DOCK2: variants seen among roughly 807,000 people sequenced by gnomAD.
DOCK2 encodes dedicator of cytokinesis 2.
In DOCK2, 87 loss-of-function variants were observed where a neutral mutation model predicts 248.9. That is an observed-to-expected ratio of 0.35 (90% confidence interval 0.29 to 0.42). The LOEUF is 0.42. Among genes scored for constraint, DOCK2 ranks in the 10% least tolerant of loss-of-function variants. DOCK2 has a pLI of 1.00. For synonymous variants in DOCK2, 805 were observed against 821.6 expected, an observed-to-expected ratio of 0.98 and a Z score of 0.35; for missense variants, 1,747 against 2,300.2, an observed-to-expected ratio of 0.76 and a Z score of 4.92.
chr5:169,725,592 T>C (rs1762423741), intron 22 of DOCK2, among the ~76,000 whole-genome samples: 1 of 152,202 alleles, frequency 6.6e-6, no homozygotes, highest in Non-Finnish European at 1.5e-5. Flanking sequence ...TGTGCCATGT[T>C]GGTTTGCTGC....
At chr5:169,827,752 G>A (rs1243755548) in intron 26 of DOCK2, among the ~76,000 whole-genome samples, 1 of 152,196 alleles carries the variant, frequency 6.6e-6, no homozygotes, top group Non-Finnish European at 1.5e-5. Context: ...ATTTAGTGGA[G>A]GAAAAGGGAG....
At chr5:169,804,490 G>A (rs532310373) in intron 26 of DOCK2, among the ~76,000 whole-genome samples, 50 of 75,006 alleles carry the variant, frequency 6.7e-4, no homozygotes, top group African/African-American at 1.3e-3. Flanking sequence ...GTGTGTGCGC[G>A]CGCGCGTGCG....
intron 27 of DOCK2, among the ~76,000 whole-genome samples, chr5:169,906,665 A>G (rs940582305): frequency 1.3e-5 from 2 of 152,106 alleles, no homozygotes; most frequent in African/African-American, 4.8e-5. Context: ...AATTACCTTG[A>G]TGAAAGTCAC....
chr5:170,015,671 C>T (rs1216717250), intron 32 of DOCK2, among the ~76,000 whole-genome samples: 1 of 152,130 alleles, frequency 6.6e-6, no homozygotes, highest in Admixed American at 6.5e-5. Flanking sequence ...TTGCCCTCAT[C>T]CTTGTTCATT....
At chr5:169,898,111 G>A (rs994406635) in intron 27 of DOCK2, among the ~76,000 whole-genome samples, 5 of 152,208 alleles carry the variant, frequency 3.3e-5, no homozygotes, top group Middle Eastern at 3.2e-3. Flanking sequence ...CTTCTTGTGT[G>A]TTGTTCTTCC....
chr5:169,981,224 T>C (rs1284778185), intron 27 of DOCK2, among the ~76,000 whole-genome samples: 1 of 152,248 alleles, frequency 6.6e-6, no homozygotes, highest in Non-Finnish European at 1.5e-5. Flanking sequence ...ATCCATATCA[T>C]GGGAGCTACT....
intron 22 of DOCK2, among the ~76,000 whole-genome samples, chr5:169,727,114 G>A (rs1762518407): frequency 6.6e-6 from 1 of 150,934 alleles, no homozygotes; most frequent in South Asian, 2.1e-4. Flanking sequence ...AAAGGAGCCA[G>A]TCCATGGGAC....
chr5:169,830,105 C>A (rs569461501), intron 26 of DOCK2, among the ~76,000 whole-genome samples: 1 of 152,176 alleles, frequency 6.6e-6, no homozygotes, highest in Non-Finnish European at 1.5e-5. Context: ...AGTGCAAGAA[C>A]CTTGCAACCA....
chr5:169,846,461 A>G (rs1415868176), intron 27 of DOCK2, among the ~76,000 whole-genome samples: 8 of 152,194 alleles, frequency 5.3e-5, no homozygotes, highest in African/African-American at 1.4e-4. Context: ...TGACTTTTAC[A>G]TGACTAGTAC....
intron 1 of DOCK2, among the ~76,000 whole-genome samples, chr5:169,645,829 G>A (rs1757427080): frequency 6.6e-6 from 1 of 152,030 alleles, no homozygotes; most frequent in African/African-American, 2.4e-5. Context: ...CTCACTGCAA[G>A]CTCCACCTCC....
chr5:169,883,002 T>G (rs1460650093), intron 27 of DOCK2: 6 of 1,551,736 alleles, frequency 3.9e-6, no homozygotes, highest in Non-Finnish European at 5.2e-6. Context: ...GAACACACGT[T>G]TCCTTTGACT....
At chr5:169,918,962 T>A (rs1338798336) in intron 27 of DOCK2, among the ~76,000 whole-genome samples, 1 of 152,036 alleles carries the variant, frequency 6.6e-6, no homozygotes, top group Non-Finnish European at 1.5e-5. Context: ...TATATGAGTA[T>A]GTAAGATGAA....
chr5:169,688,745 A>G (rs1760127227), intron 8 of DOCK2, among the ~76,000 whole-genome samples: 1 of 152,208 alleles, frequency 6.6e-6, no homozygotes, highest in Non-Finnish European at 1.5e-5. Context: ...ATCTTAGATA[A>G]TGGCTGAGAC....
At chr5:169,674,582 T>G in intron 6 of DOCK2, 137 bp downstream of exon 6, 1 of 1,328,864 alleles carries the variant, frequency 7.5e-7, no homozygotes, top group South Asian at 1.4e-5. Context: ...GACCAATGGC[T>G]GTGCTTGCGT....
At chr5:169,714,613 T>G (rs2113538936) in intron 19 of DOCK2, among the ~76,000 whole-genome samples, 156 bp downstream of exon 19, 1 of 152,258 alleles carries the variant, frequency 6.6e-6, no homozygotes, top group East Asian at 1.9e-4. Context: ...GAATCTTTAT[T>G]GGGAAATCCA....
At chr5:169,714,313 CAGTT>C (rs781749762) in intron 18 of DOCK2, 43 bp from the exon 19 acceptor site, 5 of 1,613,168 alleles carry the variant, frequency 3.1e-6, no homozygotes, top group Non-Finnish European at 4.2e-6. Context: ...CTGATATGGA[CAGTT>C]AGGCCAGTAA....
chr5:169,919,646 C>T (rs928472096), intron 27 of DOCK2, among the ~76,000 whole-genome samples: 4 of 152,112 alleles, frequency 2.6e-5, no homozygotes, highest in Admixed American at 6.5e-5. Context: ...TGACAGTTAT[C>T]GTGGGGTCTT....
intron 22 of DOCK2, among the ~76,000 whole-genome samples, chr5:169,731,789 T>C (rs1581110386): frequency 6.6e-6 from 1 of 152,164 alleles, no homozygotes; most frequent in Admixed American, 6.6e-5. Flanking sequence ...CAAACTTGCA[T>C]GTCTTGAGTG....
chr5:169,892,876 C>T (rs1163940588), intron 27 of DOCK2, among the ~76,000 whole-genome samples: 1 of 151,882 alleles, frequency 6.6e-6, no homozygotes, highest in Admixed American at 6.6e-5. Flanking sequence ...TATTGTGTTT[C>T]CCTCTGTCTT....
Sources: gnomAD v4.1 joint callset for allele counts (sites outside exome capture counted in the v4.1 genomes callset) on GRCh38, gnomAD v4.1.1 for gene constraint, MANE v1.5 for transcripts, NCBI Gene and HGNC (gene_info 2026-07-23, HGNC 2026-07-21) for gene names.